Variants in GALNTL6 observed in about 807,000 individuals in gnomAD.
GALNTL6 encodes polypeptide N-acetylgalactosaminyltransferase like 6, also known as polypeptide N-acetylgalactosaminyltransferase-like 6.
Under a neutral mutation model 73.7 loss-of-function variants are expected in GALNTL6, and 46 were observed. The observed-to-expected ratio is 0.62, with a 90% confidence interval of 0.49 to 0.80. The LOEUF is 0.80. GALNTL6 is among the 30% of genes least tolerant of loss of function. GALNTL6 has a pLI of 0.00. For synonymous variants in GALNTL6, 259 were observed against 263.7 expected (o/e 0.98, Z 0.17); for missense variants, 604 against 755.0 (o/e 0.80, Z 2.34).
At chr4:172,275,524 A>G (rs1738797817) in intron 3 of GALNTL6, among the ~76,000 whole-genome samples, 1 of 152,228 alleles carries the variant, frequency 6.6e-6, no homozygotes, top group Admixed American at 6.5e-5. Flanking sequence ...TTTTTATGGA[A>G]TCCAATCAAT....
At chr4:172,260,819 A>T (rs1041647207) in intron 3 of GALNTL6, among the ~76,000 whole-genome samples, 5 of 151,058 alleles carry the variant, frequency 3.3e-5, no homozygotes, top group African/African-American at 9.7e-5. Context: ...ATAAAGGAAA[A>T]CTGGAGATTT....
intron 8 of GALNTL6, among the ~76,000 whole-genome samples, chr4:172,883,627 C>T (rs1745570468): frequency 6.6e-6 from 1 of 152,216 alleles, no homozygotes; most frequent in Admixed American, 6.5e-5. Context: ...TCCCACCAGG[C>T]CTCACCTCCA....
intron 2 of GALNTL6, among the ~76,000 whole-genome samples, chr4:171,910,506 A>G (rs1390582887): frequency 1.3e-5 from 2 of 151,986 alleles, no homozygotes; most frequent in African/African-American, 2.4e-5. Flanking sequence ...TTTTTTAATC[A>G]TTAAAGCACC....
intron 2 of GALNTL6, among the ~76,000 whole-genome samples, chr4:172,220,058 T>C (rs1736621874): frequency 6.6e-6 from 1 of 151,914 alleles, no homozygotes; most frequent in Admixed American, 6.6e-5. Flanking sequence ...CTTAAATTTA[T>C]TGTCTCTCAA....
chr4:172,022,033 T>C (rs915510418), intron 2 of GALNTL6, among the ~76,000 whole-genome samples: 16 of 151,980 alleles, frequency 1.1e-4, no homozygotes, highest in Non-Finnish European at 4.4e-5. Flanking sequence ...GGGCAAGGCT[T>C]TCTTGAGTAA....
chr4:172,993,854 G>A (rs1006685446), intron 10 of GALNTL6, among the ~76,000 whole-genome samples: 7 of 152,272 alleles, frequency 4.6e-5, no homozygotes, highest in South Asian at 2.1e-4. Context: ...CCCAGGAGGC[G>A]GAGGTTGCAG....
intron 10 of GALNTL6, among the ~76,000 whole-genome samples, chr4:172,955,560 C>G (rs572402764): frequency 6.6e-6 from 1 of 152,030 alleles, no homozygotes; most frequent in Non-Finnish European, 1.5e-5. Context: ...TTGACACATG[C>G]GATTTCTTTT....
At chr4:172,313,285 C>T (rs1401251963) in intron 4 of GALNTL6, among the ~76,000 whole-genome samples, 11 of 151,810 alleles carry the variant, frequency 7.2e-5, no homozygotes, top group African/African-American at 2.2e-4. Flanking sequence ...GCCACCATGC[C>T]GGCTAATTTT....
At chr4:172,146,482 A>G (rs1733930522) in intron 2 of GALNTL6, among the ~76,000 whole-genome samples, 1 of 152,192 alleles carries the variant, frequency 6.6e-6, no homozygotes, top group African/African-American at 2.4e-5. Flanking sequence ...AAGGCTATAC[A>G]TGTCTGTGAA....
At chr4:172,911,388 T>C (rs1050797418) in intron 8 of GALNTL6, among the ~76,000 whole-genome samples, 12 of 152,214 alleles carry the variant, frequency 7.9e-5, no homozygotes, top group Non-Finnish European at 1.6e-4. Flanking sequence ...ATGAGACAGT[T>C]GTATTAGAGA....
In GALNTL6 at chr4:172,620,790, T is replaced by C. The variant is rs534642240; in HGVS notation, c.554-188571T>C. Among the ~76,000 whole-genome samples the C allele has an allele frequency of 3.9e-5, 6 of 152,256 alleles. No homozygotes were observed. In the South Asian group the frequency reaches 1.2e-3, roughly 32 times the overall value. ...GAGAGTTCCCTGAGTTGTTAGCAAATTGAAGTTAGCTGCAAATATCCATGG... is the reference window on the plus strand; with the variant it reads ...GAGAGTTCCCTGAGTTGTTAGCAAACTGAAGTTAGCTGCAAATATCCATGG... On this transcript the variant is annotated intron_variant, in intron 5 of 12. Transcript: ENST00000506823.
At chr4:172,773,035 G>T (rs1198638749) in intron 5 of GALNTL6, among the ~76,000 whole-genome samples, 1 of 152,180 alleles carries the variant, frequency 6.6e-6, no homozygotes, top group Non-Finnish European at 1.5e-5. Flanking sequence ...ACTGACTGAA[G>T]AATGTAGTAA....
intron 2 of GALNTL6, among the ~76,000 whole-genome samples, chr4:171,943,243 C>T (rs914413779): frequency 2.0e-5 from 3 of 152,164 alleles, no homozygotes; most frequent in Non-Finnish European, 4.4e-5. Context: ...TAACTCTGGA[C>T]ATGATGCCCC....
chr4:171,914,391 A>G (rs371182495), intron 2 of GALNTL6, among the ~76,000 whole-genome samples: 1 of 151,524 alleles, frequency 6.6e-6, no homozygotes, highest in East Asian at 1.9e-4. Flanking sequence ...AAAATGTAAG[A>G]TACTGAAAAT....
chr4:172,935,775 T>C (rs1441339225), intron 9 of GALNTL6, among the ~76,000 whole-genome samples: 1 of 152,260 alleles, frequency 6.6e-6, no homozygotes, highest in East Asian at 1.9e-4. Context: ...AGGTCTGAAA[T>C]TGAGGCAGTA....
intron 10 of GALNTL6, among the ~76,000 whole-genome samples, chr4:172,993,274 G>T (rs1000653725): frequency 6.6e-6 from 1 of 152,184 alleles, no homozygotes; most frequent in Non-Finnish European, 1.5e-5. Flanking sequence ...GCTATGTAGG[G>T]ACACAGGTAA....
chr4:172,179,480 T>C (rs1735164152), intron 2 of GALNTL6, among the ~76,000 whole-genome samples: 1 of 134,268 alleles, frequency 7.4e-6, no homozygotes, highest in Non-Finnish European at 1.5e-5. Context: ...GTTCATGTCC[T>C]TCACCCACTT....
At chr4:172,638,463 A>T (rs1464427012) in intron 5 of GALNTL6, among the ~76,000 whole-genome samples, 1 of 152,026 alleles carries the variant, frequency 6.6e-6, no homozygotes, top group Non-Finnish European at 1.5e-5. Context: ...CCACAATTGC[A>T]TGCATCCCAC....
At chr4:172,665,778 T>C (rs1046156539) in intron 5 of GALNTL6, among the ~76,000 whole-genome samples, 1 of 152,204 alleles carries the variant, frequency 6.6e-6, no homozygotes, top group African/African-American at 2.4e-5. Flanking sequence ...ACTAATGTCA[T>C]TATTTCTATG....
Sources: allele counts gnomAD v4.1 joint callset (sites outside exome capture counted in the v4.1 genomes callset), GRCh38; gene constraint gnomAD v4.1.1; transcripts MANE v1.5; gene names NCBI Gene and HGNC (gene_info 2026-07-23, HGNC 2026-07-21).